The following USH2A variants were observed in gnomAD, a reference collection of about 807,000 sequenced individuals.
The protein encoded by USH2A is Usher syndrome 2A (autosomal recessive, mild).
USH2A carries 443 observed loss-of-function variants against 538.9 expected under a neutral mutation model. That is an observed-to-expected ratio of 0.82 (90% CI 0.76 to 0.89). USH2A has a LOEUF of 0.89. Among genes scored for constraint, USH2A ranks in the 40% least tolerant of loss-of-function variants. The probability of loss-of-function intolerance (pLI) is 0.00; values close to 1 mark genes in which losing one functional copy is unlikely to be tolerated. For missense variants in USH2A, 6,633 were observed against 6,324.8 expected (o/e 1.05, Z -1.65); for synonymous variants, 2,413 against 2,273.5 (o/e 1.06, Z -1.75).
intron 61 of USH2A, among the ~76,000 whole-genome samples, chr1:215,687,761 G>C (rs1408766058): frequency 1.3e-5 from 2 of 152,034 alleles, no homozygotes; most frequent in Admixed American, 1.3e-4. Flanking sequence ...TGGCAAAACT[G>C]TACTAAAACT....
intron 67 of USH2A, among the ~76,000 whole-genome samples, chr1:215,644,814 C>A (rs1463607905): frequency 6.6e-6 from 1 of 152,152 alleles, no homozygotes; most frequent in African/African-American, 2.4e-5. Context: ...ATCTGCAGAC[C>A]GTTCCTCAGG....
rs17025878 is a variant in USH2A at position 216,017,705 on chromosome 1, T to C, written c.6326-17143A>G. On this transcript the variant is annotated intron_variant, in intron 32 of 71. Coordinates refer to ENST00000307340, the MANE Select transcript of USH2A (RefSeq NM_206933.4). Reference sequence around the variant, plus strand: ...TCAAATATCGTAGTGAAGATTAAGATGCTGTTAATTCAGTAATAATCATGG... The same window carrying C: ...TCAAATATCGTAGTGAAGATTAAGACGCTGTTAATTCAGTAATAATCATGG... 0.014 allele frequency among the ~76,000 whole-genome samples: 2,145 copies of C among 152,324 alleles called. 147 individuals are homozygous for C. The South Asian group carries it at 0.18, about 13-fold the overall frequency.
At chr1:216,308,171 T>C (rs184864576) in intron 9 of USH2A, among the ~76,000 whole-genome samples, 58 of 152,382 alleles carry the variant, frequency 3.8e-4, no homozygotes, top group African/African-American at 1.3e-3. Context: ...GTATGTATTA[T>C]TCTAAAACAA....
intron 21 of USH2A, among the ~76,000 whole-genome samples, chr1:216,161,958 T>C (rs2034068211): frequency 6.6e-6 from 1 of 151,998 alleles, no homozygotes; most frequent in Non-Finnish European, 1.5e-5. Flanking sequence ...CCTCCCCAGG[T>C]GCTTTTGAAG....
intron 3 of USH2A, among the ~76,000 whole-genome samples, chr1:216,371,278 A>G (rs566462912): frequency 5.6e-4 from 85 of 152,350 alleles, no homozygotes; most frequent in Non-Finnish European, 9.1e-4. Flanking sequence ...AGTCTTCTTC[A>G]GGATAAATGT....
chr1:215,662,880 A>C (rs1029258912), intron 64 of USH2A, among the ~76,000 whole-genome samples: 1 of 152,210 alleles, frequency 6.6e-6, no homozygotes, highest in Non-Finnish European at 1.5e-5. Context: ...ACTAAACAGA[A>C]AATGTGTTCA....
At position 215,651,064 on chromosome 1, in the gene USH2A, C is replaced by T. The variant is rs561262772; in HGVS notation, c.14134-263G>A. On this transcript the variant is annotated intron_variant, in intron 64 of 71. Transcript: ENST00000307340. ...CCGTTTAGGATTTCAGAATGCAGCA[C>T]GTTGATTTAAGCCTAATGAAAAAAC... 5.3e-5 allele frequency among the ~76,000 whole-genome samples: 8 copies of T among 152,124 alleles called. No individual in the cohort carries two copies. The South Asian group carries it at 1.2e-3, about 24-fold the overall frequency.
At chr1:215,715,056 C>A (rs1659446055) in intron 61 of USH2A, among the ~76,000 whole-genome samples, 3 of 152,120 alleles carry the variant, frequency 2.0e-5, no homozygotes, top group African/African-American at 7.2e-5. Context: ...AAACGTGTGC[C>A]ATGGTGGTTT....
chr1:215,883,612 A>G (rs936942280), intron 41 of USH2A, among the ~76,000 whole-genome samples: 31 of 152,184 alleles, frequency 2.0e-4, no homozygotes, highest in African/African-American at 7.0e-4. Flanking sequence ...GTACACATTG[A>G]TAGTTGGTCG....
intron 60 of USH2A, among the ~76,000 whole-genome samples, chr1:215,737,956 A>G (rs2797257): frequency 0.82 from 124,187 of 151,978 alleles, 53,658 homozygotes; most frequent in Non-Finnish European, 0.98. Context: ...TTTTTACAGC[A>G]TTTACAGGGT....
rs148285050 is a variant in USH2A, at chr1:215,815,979, C to T, written c.9570+1018G>A. On this transcript the variant is annotated intron_variant, in intron 48 of 71. Coordinates refer to ENST00000307340, the MANE Select transcript of USH2A (RefSeq NM_206933.4). ...ATTCGTATGCCTATACAACTATTCT[C>T]TCTTTGTCCACTTCGTAACAGATAA... Among the ~76,000 whole-genome samples the T allele has an allele frequency of 5.3e-3, 802 of 152,124 alleles. 2 individuals carry two copies. Among genetic ancestry groups the T allele is most frequent in the Non-Finnish European group, 5.9e-3 (401 of 67,938 alleles).
intron 3 of USH2A, among the ~76,000 whole-genome samples, chr1:216,402,230 C>A (rs911563154): frequency 4.6e-5 from 7 of 152,028 alleles, no homozygotes; most frequent in Non-Finnish European, 7.4e-5. Flanking sequence ...GAAAATGATT[C>A]AAATTTGAAA....
chr1:216,336,122 G>C (rs187855115), intron 4 of USH2A, among the ~76,000 whole-genome samples: 1 of 151,426 alleles, frequency 6.6e-6, no homozygotes, highest in Admixed American at 6.6e-5. Context: ...TGTACGAAAA[G>C]TAATCAAGTA....
intron 24 of USH2A, among the ~76,000 whole-genome samples, chr1:216,085,296 A>G (rs950870385): frequency 3.3e-5 from 5 of 152,282 alleles, no homozygotes; most frequent in Middle Eastern, 3.4e-3. Context: ...ACTGAAGTAA[A>G]TCAATAATTT....
chr1:216,090,725 G>T (rs1246346565), intron 22 of USH2A, among the ~76,000 whole-genome samples: 2 of 152,008 alleles, frequency 1.3e-5, no homozygotes, highest in African/African-American at 4.8e-5. Flanking sequence ...AATGTGCCCT[G>T]GTAGCATGCC....
At chr1:216,100,073 G>T (rs1232220261) in intron 21 of USH2A, among the ~76,000 whole-genome samples, 3 of 152,184 alleles carry the variant, frequency 2.0e-5, no homozygotes, top group Non-Finnish European at 2.9e-5. Flanking sequence ...TGGAAATCTA[G>T]ATAGGAGGGA....
At chr1:216,282,367 T>G (rs1368554006) in intron 11 of USH2A, among the ~76,000 whole-genome samples, 1 of 152,236 alleles carries the variant, frequency 6.6e-6, no homozygotes, top group Non-Finnish European at 1.5e-5. Flanking sequence ...AGCTTTTATA[T>G]TCAATATTTT....
At chr1:216,286,808 A>T (rs1001098261) in intron 11 of USH2A, among the ~76,000 whole-genome samples, 12 of 152,164 alleles carry the variant, frequency 7.9e-5, no homozygotes, top group African/African-American at 2.7e-4. Context: ...AGCAGTACAA[A>T]AATGGACTAA....
intron 32 of USH2A, 131 bp from the exon 33 acceptor site, chr1:216,000,693 A>G: frequency 8.8e-7 from 1 of 1,133,500 alleles, no homozygotes; most frequent in South Asian, 1.3e-5. Context: ...ATAGCCATAA[A>G]AATCAATAGC....
Sources: allele counts gnomAD v4.1 joint callset (sites outside exome capture counted in the v4.1 genomes callset), GRCh38; gene constraint gnomAD v4.1.1; transcripts MANE v1.5; gene names NCBI Gene and HGNC (gene_info 2026-07-23, HGNC 2026-07-21).